The following JAK1 variants were observed in gnomAD, a reference collection of about 807,000 sequenced individuals.
The protein encoded by JAK1 is Janus kinase 1, also known as tyrosine-protein kinase JAK1.
A neutral mutation model predicts 136.6 loss-of-function variants in JAK1; 16 were observed. The ratio of observed to expected loss-of-function variants is 0.12; its 90% CI spans 0.08 to 0.18. The LOEUF (loss-of-function observed/expected upper bound fraction) is 0.18. Among genes scored for constraint, JAK1 ranks in the 10% least tolerant of loss-of-function variants. JAK1 has a pLI of 1.00. For synonymous variants in JAK1, 492 were observed against 519.5 expected (o/e 0.95, Z 0.72); for missense variants, 859 against 1,450.1 (o/e 0.59, Z 6.62).
chr1:64,968,832 T>C (rs956750429), upstream of JAK1, among the ~76,000 whole-genome samples: 3 of 149,582 alleles, frequency 2.0e-5, no homozygotes, highest in Non-Finnish European at 2.9e-5. Flanking sequence ...CTTGGGAGAC[T>C]GAGGCACAAG....
chr1:64,977,722 C>T (rs568089918), intron 2 of JAK1, among the ~76,000 whole-genome samples: 38 of 152,230 alleles, frequency 2.5e-4, no homozygotes, highest in South Asian at 2.5e-3. Flanking sequence ...TGAGCCACCG[C>T]GCCTGACCCT....
At chr1:64,909,032 C>G (rs979754803) in intron 1 of JAK1, among the ~76,000 whole-genome samples, 1 of 152,192 alleles carries the variant, frequency 6.6e-6, no homozygotes, top group African/African-American at 2.4e-5. Flanking sequence ...TACAAAAAGA[C>G]AGAAGAACTG....
rs192425901 is a variant in JAK1, at chr1:64,851,048, T to C, written c.1649-138A>G. The C allele has an allele frequency of 2.8e-4, 184 of 656,146 alleles. 1 individual carries two copies. Among genetic ancestry groups the C allele is most frequent in the Non-Finnish European group, 2.5e-5 (9 of 356,580 alleles). 40.6% of individuals were successfully genotyped at this position (656,146 alleles called of 1,614,324 possible). A position where few individuals can be genotyped will look rare whatever the true frequency, so the allele number is the denominator to read the frequency against. On this transcript the variant is annotated intron_variant, in intron 11 of 24. Coordinates refer to ENST00000342505, the MANE Select transcript of JAK1 (RefSeq NM_002227.4). ...AGTCATTCGACAAGTGCTTATTCAA[T>C]AGGCATATGGCTCCTACCCTCCAGG... is the stretch of plus-strand genomic sequence containing the variant.
chr1:64,853,258 C>A (rs949078831), intron 11 of JAK1, among the ~76,000 whole-genome samples: 4 of 152,144 alleles, frequency 2.6e-5, no homozygotes, highest in African/African-American at 7.2e-5. Flanking sequence ...CACACACAGG[C>A]CTTATTCTTA....
intron 1 of JAK1, among the ~76,000 whole-genome samples, chr1:64,904,085 A>G (rs747946215): frequency 9.2e-5 from 14 of 152,210 alleles, no homozygotes; most frequent in Non-Finnish European, 1.9e-4. Context: ...CAGGCACTGT[A>G]TTAGACACTA....
intron 1 of JAK1, among the ~76,000 whole-genome samples, chr1:64,902,583 A>AGAGAGAGAGAGAGAGAGAGAGAGAGT: frequency 3.3e-4 from 24 of 73,796 alleles, no homozygotes; most frequent in African/African-American, 1.4e-3. Flanking sequence ...AGAGAGAGAG[A>AGAGAGAGAGAGAGAGAGAGAGAGAGT]GTGTGTGTGT....
intron 1 of JAK1, among the ~76,000 whole-genome samples, chr1:64,900,855 G>A (rs1016203252): frequency 3.9e-5 from 6 of 152,056 alleles, no homozygotes; most frequent in African/African-American, 9.7e-5. Flanking sequence ...AACTCCAAAC[G>A]TACTGAGTTA....
rs184095806 is a variant in JAK1, at chr1:64,977,900, C to T, written c.-78+66580G>A. 1.5e-3 allele frequency among the ~76,000 whole-genome samples: 228 copies of T among 152,212 alleles called. 1 individual carries two copies. The highest frequency in any genetic ancestry group is 6.8e-3 in the Middle Eastern group (2 of 294). On this transcript the variant is annotated intron_variant, in intron 2 of 25. Coordinates refer to the JAK1 transcript ENST00000671954. ...GAATTTCCATAAGCTTTAATTTCAT[C>T]GTCATCGGTAAGTAAGGATGATACT...
intron 2 of JAK1, among the ~76,000 whole-genome samples, chr1:65,040,324 T>C (rs939964159): frequency 5.3e-5 from 8 of 152,148 alleles, no homozygotes; most frequent in Admixed American, 1.3e-4. Flanking sequence ...TTCCTTGACC[T>C]TTCTATCGTC....
At chr1:64,948,395 T>C (rs1008516909) in intron 1 of JAK1, among the ~76,000 whole-genome samples, 2 of 152,246 alleles carry the variant, frequency 1.3e-5, no homozygotes, top group Non-Finnish European at 2.9e-5. Flanking sequence ...ATATCTAGAA[T>C]CTGAAAGACA....
chr1:64,841,212 C>CGA, intron 19 of JAK1, 33 bp downstream of exon 19: 2 of 1,475,878 alleles, frequency 1.4e-6, no homozygotes, highest in Admixed American at 3.4e-5. Flanking sequence ...GAGGGCTCTG[C>CGA]CATCAGCAGC....
chr1:64,966,737 C>G (rs913124345), upstream of JAK1, among the ~76,000 whole-genome samples: 24 of 151,112 alleles, frequency 1.6e-4, no homozygotes, highest in Admixed American at 1.5e-3. Context: ...AAGCTGCCCC[C>G]ACTCGTCTCT....
At chr1:65,021,820 G>C (rs1053826829) in intron 2 of JAK1, among the ~76,000 whole-genome samples, 1 of 152,020 alleles carries the variant, frequency 6.6e-6, no homozygotes, top group Non-Finnish European at 1.5e-5. Flanking sequence ...TTTTAGAAGA[G>C]GACACTAAAA....
At chr1:64,956,380 C>G (rs957382391) in intron 1 of JAK1, among the ~76,000 whole-genome samples, 19 of 152,190 alleles carry the variant, frequency 1.2e-4, no homozygotes, top group African/African-American at 4.3e-4. Context: ...GAAAGCTCAT[C>G]CCACTGAAGG....
chr1:65,015,003 G>A (rs1646881673), intron 2 of JAK1, among the ~76,000 whole-genome samples: 1 of 151,656 alleles, frequency 6.6e-6, no homozygotes, highest in Admixed American at 6.6e-5. Flanking sequence ...TCTATTCTTA[G>A]TGAAAAAAAA....
In JAK1 at chr1:64,860,163, C is replaced by T. The variant is rs747767226; in HGVS notation, c.1276G>A (p.Asp426Asn). ...TADAHHYLCT[D>N]VAPPLIVHNI... ...TGGACGATCAACGGGGGGGCCACGT[C>T]GGTGCAGAGGTAATGATGGGCATCT... The change falls in exon 9 of 25, where the codon GAC (aspartate) becomes AAC (asparagine). Residue 426 changes from aspartate to asparagine, a missense_variant. Around this residue, in one of 4 missense-constraint regions of JAK1, gnomAD observed 409 missense variants for 753.8 expected, o/e 0.54. Coordinates refer to ENST00000342505, the MANE Select transcript of JAK1 (RefSeq NM_002227.4). The T allele has an allele frequency of 3.7e-6, 6 of 1,605,784 alleles. No individual in the cohort carries two copies. The highest frequency in any genetic ancestry group is 5.1e-6 in the Non-Finnish European group (6 of 1,174,200).
intron 1 of JAK1, among the ~76,000 whole-genome samples, chr1:64,941,281 C>T (rs905916490): frequency 3.3e-5 from 5 of 152,022 alleles, no homozygotes; most frequent in African/African-American, 1.2e-4. Flanking sequence ...TTCAAAAGGG[C>T]CAAGAATTTA....
chr1:64,872,188 G>A (rs2101150057), intron 5 of JAK1, among the ~76,000 whole-genome samples: 1 of 152,336 alleles, frequency 6.6e-6, no homozygotes, highest in Admixed American at 6.5e-5. Context: ...GCTAAGGAGA[G>A]AGTGCTACTG....
chr1:65,022,364 T>C (rs1465876670), intron 2 of JAK1, among the ~76,000 whole-genome samples: 1 of 152,170 alleles, frequency 6.6e-6, no homozygotes, highest in Non-Finnish European at 1.5e-5. Flanking sequence ...AATTAAGGGC[T>C]CTTTCTAACC....
Sources: allele counts gnomAD v4.1 joint callset (sites outside exome capture counted in the v4.1 genomes callset), GRCh38; gene constraint gnomAD v4.1.1; regional missense constraint gnomAD v4.1.1; transcripts MANE v1.5; gene names NCBI Gene and HGNC (gene_info 2026-07-23, HGNC 2026-07-21).